Variants in LZTFL1 observed in about 807,000 individuals in gnomAD.
LZTFL1 encodes leucine zipper transcription factor like 1, also known as leucine zipper transcription factor-like protein 1.
Under a neutral mutation model 45.9 loss-of-function variants are expected in LZTFL1, and 25 were observed. The observed-to-expected ratio is 0.54, with a 90% CI of 0.40 to 0.76. LZTFL1 has a LOEUF of 0.76. LZTFL1 is among the 30% of genes least tolerant of loss of function. The pLI, the probability that LZTFL1 is intolerant of heterozygous loss-of-function variation, is 0.00. For synonymous variants in LZTFL1, 93 were observed against 117.4 expected, an observed-to-expected ratio of 0.79 and a Z score of 1.35; for missense variants, 277 against 331.1, an observed-to-expected ratio of 0.84 and a Z score of 1.27.
At chr3:45,849,020 T>G (rs994701097) in intron 4 of LZTFL1, among the ~76,000 whole-genome samples, 3 of 152,178 alleles carry the variant, frequency 2.0e-5, no homozygotes, top group Non-Finnish European at 4.4e-5. Context: ...TTTCAAACAT[T>G]TTTATAGGCC....
intron 2 of LZTFL1, among the ~76,000 whole-genome samples, chr3:45,866,865 C>T (rs1033913131): frequency 3.3e-5 from 5 of 152,036 alleles, no homozygotes; most frequent in African/African-American, 1.2e-4. Context: ...AAGATAGTTG[C>T]GGCCAGGTGA....
chr3:45,868,379 C>A (rs1024936720), intron 2 of LZTFL1, among the ~76,000 whole-genome samples: 10 of 152,176 alleles, frequency 6.6e-5, no homozygotes, highest in African/African-American at 2.4e-4. Flanking sequence ...TGACTCTTAA[C>A]AAAGCTGTTT....
rs2125702575 is a variant in LZTFL1 at position 45,852,084 on chromosome 3, A to C, written c.-49+2902T>G. Among the ~76,000 whole-genome samples, 3 of 152,246 alleles carry C rather than the reference A, an allele frequency of 2.0e-5. 1 individual carries two copies. The Middle Eastern group carries it at 0.01, about 518-fold the overall frequency. Reference sequence around the variant, plus strand: ...TATGATCCTCCTGCTACTTTTCTAGAAGGGAAGTTCCCTTAATATCCCTAA... The same window carrying C: ...TATGATCCTCCTGCTACTTTTCTAGCAGGGAAGTTCCCTTAATATCCCTAA... On this transcript the variant is annotated intron_variant, in intron 4 of 4. Transcript: ENST00000472635.
chr3:45,870,919 G>A (rs1701661475), intron 2 of LZTFL1, among the ~76,000 whole-genome samples: 2 of 152,142 alleles, frequency 1.3e-5, no homozygotes, highest in Admixed American at 1.3e-4. Flanking sequence ...TAATACTTGA[G>A]TGTTTTGTTT....
chr3:45,895,756 G>T (rs1575300125), intron 2 of LZTFL1, among the ~76,000 whole-genome samples: 1 of 151,420 alleles, frequency 6.6e-6, no homozygotes. Flanking sequence ...ATAATCCAGA[G>T]AATCTTTTTT....
chr3:45,864,585 A>T (rs1334674790), intron 2 of LZTFL1, among the ~76,000 whole-genome samples: 1 of 152,238 alleles, frequency 6.6e-6, no homozygotes, highest in Non-Finnish European at 1.5e-5. Flanking sequence ...CAACTTTATT[A>T]CAATATAGTC....
intron 2 of LZTFL1, among the ~76,000 whole-genome samples, chr3:45,878,052 C>A (rs911006377): frequency 6.6e-6 from 1 of 152,122 alleles, no homozygotes; most frequent in African/African-American, 2.4e-5. Context: ...AGCCCATTTA[C>A]TAGTTTTTAA....
intron 2 of LZTFL1, among the ~76,000 whole-genome samples, chr3:45,905,312 G>C (rs1002619176): frequency 6.6e-6 from 1 of 152,132 alleles, no homozygotes; most frequent in African/African-American, 2.4e-5. Context: ...CTGGGACAAT[G>C]AGCTAGTTCT....
intron 2 of LZTFL1, among the ~76,000 whole-genome samples, chr3:45,877,836 C>G (rs1701776490): frequency 6.6e-6 from 1 of 151,102 alleles, no homozygotes; most frequent in Non-Finnish European, 1.5e-5. Flanking sequence ...ACCTCTGCCT[C>G]CCAGGTTCAA....
chr3:45,865,908 A>C (rs560513378), intron 2 of LZTFL1, among the ~76,000 whole-genome samples: 1 of 152,362 alleles, frequency 6.6e-6, no homozygotes, highest in South Asian at 2.1e-4. Flanking sequence ...AAACCAATGA[A>C]TGGATAACAA....
intron 2 of LZTFL1, among the ~76,000 whole-genome samples, chr3:45,869,606 C>T (rs1701639028): frequency 6.6e-6 from 1 of 152,136 alleles, no homozygotes; most frequent in African/African-American, 2.4e-5. Context: ...GAGCCTACAC[C>T]CCCTTGTGTC....
chr3:45,867,147 C>CAAAAAAAAA (rs58937842), intron 2 of LZTFL1, among the ~76,000 whole-genome samples: 1 of 63,246 alleles, frequency 1.6e-5, no homozygotes. Context: ...GACTCAATCT[C>CAAAAAAAAA]AAAAAAAAAA....
At chr3:45,863,883 T>C (rs891146813) in intron 2 of LZTFL1, among the ~76,000 whole-genome samples, 1 of 152,220 alleles carries the variant, frequency 6.6e-6, no homozygotes, top group Non-Finnish European at 1.5e-5. Context: ...GGAAGGACAT[T>C]CAGGGAAACA....
upstream of LZTFL1, among the ~76,000 whole-genome samples, chr3:45,846,826 G>A (rs1055219553): frequency 2.6e-5 from 4 of 151,920 alleles, no homozygotes; most frequent in Non-Finnish European, 5.9e-5. Flanking sequence ...AGGCACACTC[G>A]GTGTAACTTT....
chr3:45,897,414 C>A, intron 2 of LZTFL1: 4 of 638,670 alleles, frequency 6.3e-6, no homozygotes, highest in Admixed American at 2.5e-5. Flanking sequence ...AAAAACTATG[C>A]CCCCTGGGCT....
chr3:45,879,511 G>C (rs1330155224), intron 2 of LZTFL1, among the ~76,000 whole-genome samples: 1 of 152,214 alleles, frequency 6.6e-6, no homozygotes, highest in Non-Finnish European at 1.5e-5. Context: ...AGGTGGAAGA[G>C]AGGGACGAAT....
intron 2 of LZTFL1, among the ~76,000 whole-genome samples, chr3:45,885,851 T>C (rs1433105586): frequency 6.6e-6 from 1 of 152,230 alleles, no homozygotes; most frequent in East Asian, 1.9e-4. Context: ...TATCTGGGAC[T>C]ACAGGCATGG....
At chr3:45,845,604 A>C (rs1297097162), upstream of LZTFL1, among the ~76,000 whole-genome samples, 1 of 152,184 alleles carries the variant, frequency 6.6e-6, no homozygotes, top group Admixed American at 6.5e-5. Context: ...AAAGAGATAT[A>C]CTGACAGCTT....
chr3:45,888,096 G>A (rs569690710), intron 2 of LZTFL1, among the ~76,000 whole-genome samples: 2 of 152,294 alleles, frequency 1.3e-5, no homozygotes, highest in South Asian at 4.1e-4. Context: ...CAAAAATAGT[G>A]ATTGGATAAT....
Sources: allele counts gnomAD v4.1 joint callset (sites outside exome capture counted in the v4.1 genomes callset), GRCh38; gene constraint gnomAD v4.1.1; transcripts MANE v1.5; gene names NCBI Gene and HGNC (gene_info 2026-07-23, HGNC 2026-07-21).